Variants in ZNF112 observed in about 807,000 individuals in gnomAD.
ZNF112 encodes the protein zinc finger protein 112.
Under a neutral mutation model 77.7 loss-of-function variants are expected in ZNF112, and 37 were observed. The ratio of observed to expected loss-of-function variants is 0.48; its 90% CI spans 0.37 to 0.63. The LOEUF (loss-of-function observed/expected upper bound fraction) is 0.63. ZNF112 is among the 20% of genes least tolerant of loss of function. The probability of loss-of-function intolerance (pLI) is 0.00; values close to 1 mark genes in which losing one functional copy is unlikely to be tolerated. For missense variants in ZNF112, 950 were observed against 1,077.4 expected (o/e 0.88, Z 1.66); for synonymous variants, 333 against 363.6 (o/e 0.92, Z 0.96).
intron 1 of ZNF112, among the ~76,000 whole-genome samples, chr19:44,345,596 AT>A (rs1970573962): frequency 6.6e-6 from 1 of 152,232 alleles, no homozygotes; most frequent in Non-Finnish European, 1.5e-5. Context: ...TGGTCATCCT[AT>A]AGACTATTGT....
At chr19:44,358,692 G>A (rs1342123462), upstream of ZNF112, among the ~76,000 whole-genome samples, 1 of 152,128 alleles carries the variant, frequency 6.6e-6, no homozygotes, top group African/African-American at 2.4e-5. Context: ...TCAAAATACT[G>A]AAATACTAAA....
chr19:44,357,836 G>C (rs960052966), upstream of ZNF112, among the ~76,000 whole-genome samples: 2 of 152,112 alleles, frequency 1.3e-5, no homozygotes, highest in Non-Finnish European at 2.9e-5. Flanking sequence ...TCTTATGGAG[G>C]ACAGGATGAT....
intron 3 of ZNF112, among the ~76,000 whole-genome samples, chr19:44,332,408 T>C (rs1970287962): frequency 6.6e-6 from 1 of 152,260 alleles, no homozygotes; most frequent in Non-Finnish European, 1.5e-5. Flanking sequence ...CTGATGTCTT[T>C]GCCTTCTCAA....
intron 3 of ZNF112, among the ~76,000 whole-genome samples, chr19:44,331,277 T>C (rs1970266043): frequency 6.6e-6 from 1 of 152,208 alleles, no homozygotes; most frequent in South Asian, 2.1e-4. Flanking sequence ...GAGGTGCTCA[T>C]TAGCCAGGAA....
rs754197022 is a variant in ZNF112 at position 44,328,670 on chromosome 19, T to C, written c.1487A>G (p.His496Arg). Reference protein sequence around the residue: ...IHIGEKPRKEHGNGFNWSSKL... With the variant: ...IHIGEKPRKERGNGFNWSSKL... The stretch of plus-strand genomic sequence containing the variant: ...TGAGCTCCAGTTGAAGCCATTCCCA[T>C]GCTCCTTACGTGGTTTCTCTCCAAT... Residue 496 changes from histidine (H) to arginine (R), a missense_variant, in exon 4 of 4, where the codon CAT becomes CGT. Physicochemically the swap from His to Arg is conservative, Grantham distance 29. Around this residue, in one of 3 missense-constraint regions of ZNF112, gnomAD observed 560 missense variants for 557.3 expected, o/e 1.00. Coordinates refer to ENST00000354340, the MANE Select transcript of ZNF112 (RefSeq NM_013380.4). The C allele has an allele frequency of 3.2e-5, 51 of 1,614,050 alleles. No individual in the cohort carries two copies. Among genetic ancestry groups the C allele is most frequent in the Non-Finnish European group, 4.0e-5 (47 of 1,180,022 alleles).
At chr19:44,341,142 C>T (rs1279232983) in intron 1 of ZNF112, 1 of 456,638 alleles carries the variant, frequency 2.2e-6, no homozygotes, top group Non-Finnish European at 4.4e-6. Context: ...TGAGTGACCA[C>T]ATGTAAAGCA....
In ZNF112 at chr19:44,364,874, G is replaced by T. The variant is rs112236472; in HGVS notation, c.17+2207C>A. On this transcript the variant is annotated intron_variant, in intron 1 of 4. Transcript: ENST00000588057. ...AACCAATTCCCCACGGACACCAAGG[G>T]ACTACTGTATTCAGGATTTTTTCAC... Among the ~76,000 whole-genome samples the T allele has an allele frequency of 8.5e-4, 130 of 152,212 alleles. 3 individuals carry two copies. Among genetic ancestry groups the T allele is most frequent in the African/African-American group, 2.9e-3 (122 of 41,530 alleles).
Position 44,329,473 on chromosome 19 carries a change from A to C in ZNF112, c.684T>G (p.His228Gln). The C allele has an allele frequency of 6.2e-7, 1 of 1,614,116 alleles. No individual in the cohort carries two copies. The highest frequency in any genetic ancestry group is 8.5e-7 in the Non-Finnish European group (1 of 1,180,018). The change falls in exon 4 of 4, where the codon CAT (histidine) becomes CAG (glutamine). Residue 228 changes from histidine to glutamine, a missense_variant. His to Gln is a conservative substitution (Grantham distance 24, BLOSUM62 0). Around this residue, in one of 3 missense-constraint regions of ZNF112, gnomAD observed 560 missense variants for 557.3 expected, o/e 1.00. Coordinates refer to ENST00000354340, the MANE Select transcript of ZNF112 (RefSeq NM_013380.4). ...EVHRKENYSC[H>Q]DCGEDIMKVS... ...CCTTCATGATATCTTCTCCACAGTC[A>C]TGGCAGCTGTAGTTTTCTTTTCTGT...
intron 3 of ZNF112, 95 bp from the exon 4 acceptor site, chr19:44,330,031 T>C: frequency 1.1e-6 from 1 of 936,940 alleles, no homozygotes; most frequent in Non-Finnish European, 1.6e-6. Context: ...GAAACTTGAA[T>C]GAACCAGAGG....
At chr19:44,341,854 G>A (rs1253059962) in intron 1 of ZNF112, among the ~76,000 whole-genome samples, 1 of 152,178 alleles carries the variant, frequency 6.6e-6, no homozygotes, top group Non-Finnish European at 1.5e-5. Context: ...CTGCAGTTCT[G>A]AGCATAACAG....
rs757666902 is a variant in ZNF112, at chr19:44,328,551, C to A, written c.1606G>T (p.Val536Phe). 2 of 1,604,526 alleles carry A rather than the reference C, an allele frequency of 1.2e-6. No homozygotes were observed. The highest frequency in any genetic ancestry group is 2.7e-5 in the African/African-American group (2 of 74,402). ...TCTCCTGTGTGGACTCTCTGATGAA[C>A]ATTCAGAACTGATCTATGATTGAAA... ...KGFNHRSVLN[V>F]HQRVHTGEKP... The change falls in exon 4 of 4, where the codon GTT becomes TTT. Residue 536 changes from valine to phenylalanine, a missense_variant. Coordinates refer to ENST00000354340, the MANE Select transcript of ZNF112 (RefSeq NM_013380.4).
At chr19:44,333,530 G>T (rs554340746) in intron 3 of ZNF112, among the ~76,000 whole-genome samples, 1 of 152,316 alleles carries the variant, frequency 6.6e-6, no homozygotes, top group South Asian at 2.1e-4. Context: ...GGAGGTGATT[G>T]GATCATGGGG....
intron 3 of ZNF112, among the ~76,000 whole-genome samples, chr19:44,333,299 C>T (rs780589568): frequency 1.1e-4 from 17 of 152,140 alleles, no homozygotes; most frequent in Non-Finnish European, 2.2e-4. Flanking sequence ...AAAAGCTAAG[C>T]GAGAACATCA....
intron 1 of ZNF112, among the ~76,000 whole-genome samples, chr19:44,343,787 A>G (rs971651678): frequency 6.6e-6 from 1 of 152,158 alleles, no homozygotes; most frequent in African/African-American, 2.4e-5. Context: ...CATAGAGGAA[A>G]CCTATTATAA....
intron 1 of ZNF112, among the ~76,000 whole-genome samples, chr19:44,352,173 T>G (rs773401354): frequency 4.2e-4 from 64 of 152,154 alleles, no homozygotes; most frequent in Admixed American, 1.0e-3. Flanking sequence ...GAAGTCTACA[T>G]GACAATGCAA....
At position 44,344,625 on chromosome 19, in the gene ZNF112, G is replaced by A. The variant is rs537552401; in HGVS notation, c.-3-4083C>T. ...TATTTATGGATTGCCTTCTAAAAGG[G>A]ATACAGTGCCCAGATAGATGCCAGG... On this transcript the variant is annotated intron_variant, in intron 1 of 3. Transcript: ENST00000354340. Among the ~76,000 whole-genome samples, 7 of 152,318 alleles carry A rather than the reference G, an allele frequency of 4.6e-5. No individual in the cohort carries two copies. In the South Asian group the frequency reaches 1.2e-3, roughly 27 times the overall value.
chr19:44,331,345 TG>T (rs1262201401), intron 3 of ZNF112, among the ~76,000 whole-genome samples: 1 of 152,184 alleles, frequency 6.6e-6, no homozygotes, highest in Non-Finnish European at 1.5e-5. Context: ...ATTATGTTAG[TG>T]TTTAGGAAAT....
At chr19:44,338,571 T>A (rs1209563836) in intron 2 of ZNF112, among the ~76,000 whole-genome samples, 1 of 152,184 alleles carries the variant, frequency 6.6e-6, no homozygotes, top group Non-Finnish European at 1.5e-5. Flanking sequence ...GCATGGATCA[T>A]CTGAATCTAA....
At position 44,329,361 on chromosome 19, in the gene ZNF112, T is replaced by C. The variant is rs1599909714; in HGVS notation, c.796A>G (p.Ser266Gly). The C allele has an allele frequency of 1.2e-6, 2 of 1,613,854 alleles. No individual in the cohort carries two copies. Among genetic ancestry groups the C allele is most frequent in the Non-Finnish European group, 1.7e-6 (2 of 1,179,786 alleles). ...GYRKAFSNDS[S>G]SEVHQQFHLE... ...TGGAACTGCTGATGAACCTCAGAGC[T>C]GGAGTCATTACTGAAGGCTTTTCTA... The change falls in exon 4 of 4, where the codon AGC (serine) becomes GGC (glycine). Residue 266 changes from serine to glycine, a missense_variant. This residue lies in a region of ZNF112 where 560 missense variants were observed against 557.3 expected (regional missense o/e 1.00). Transcript: ENST00000354340.
Sources: gnomAD v4.1 joint callset for allele counts (sites outside exome capture counted in the v4.1 genomes callset) on GRCh38, gnomAD v4.1.1 for gene constraint, gnomAD v4.1.1 regional missense constraint, MANE v1.5 for transcripts, NCBI Gene and HGNC (gene_info 2026-07-23, HGNC 2026-07-21) for gene names.